RASSF8: variants seen among roughly 807,000 people sequenced by gnomAD.
RASSF8 encodes Ras association domain family member 8.
Under a neutral mutation model 48.5 loss-of-function variants are expected in RASSF8, and 22 were observed. The observed-to-expected ratio is 0.45, with a 90% CI of 0.32 to 0.65. RASSF8 has a LOEUF of 0.65. Among genes scored for constraint, RASSF8 ranks in the 30% least tolerant of loss-of-function variants. RASSF8 has a pLI of 0.03. For synonymous variants in RASSF8, 127 were observed against 171.5 expected (o/e 0.74, Z 2.03); for missense variants, 418 against 489.2 (o/e 0.85, Z 1.37).
intron 1 of RASSF8, among the ~76,000 whole-genome samples, chr12:25,977,482 A>AT (rs141400700): frequency 0.015 from 2,182 of 149,750 alleles, 42 homozygotes; most frequent in African/African-American, 0.043. Context: ...GATTATTTTG[A>AT]TTTTTTTTTT....
chr12:26,039,658 G>A (rs1206691567), intron 2 of RASSF8, among the ~76,000 whole-genome samples: 2 of 152,282 alleles, frequency 1.3e-5, no homozygotes, highest in South Asian at 2.1e-4. Flanking sequence ...AACAGTACCA[G>A]TAGTTGGTGA....
At chr12:25,973,142 T>A (rs183091989) in intron 1 of RASSF8, among the ~76,000 whole-genome samples, 6 of 152,124 alleles carry the variant, frequency 3.9e-5, no homozygotes, top group African/African-American at 1.2e-4. Flanking sequence ...TGGGTTCAAG[T>A]GATCCTCCCT....
intron 2 of RASSF8, among the ~76,000 whole-genome samples, chr12:25,997,005 A>G (rs1399295152): frequency 6.6e-6 from 1 of 152,124 alleles, no homozygotes; most frequent in Non-Finnish European, 1.5e-5. Flanking sequence ...TTGCAATCAG[A>G]ATAGCTTTCT....
intron 2 of RASSF8, among the ~76,000 whole-genome samples, chr12:26,012,865 G>T (rs553448125): frequency 6.6e-6 from 1 of 151,706 alleles, no homozygotes; most frequent in South Asian, 2.1e-4. Context: ...TTGTAAAGAC[G>T]GAGTCTCACT....
intron 2 of RASSF8, among the ~76,000 whole-genome samples, chr12:26,036,624 C>A (rs1165186841): frequency 6.6e-6 from 1 of 151,928 alleles, no homozygotes; most frequent in Non-Finnish European, 1.5e-5. Context: ...AAGTGTATGT[C>A]TGGTCGAGCG....
intron 2 of RASSF8, among the ~76,000 whole-genome samples, chr12:26,015,711 C>T (rs16929901): frequency 0.04 from 6,042 of 152,122 alleles, 147 homozygotes; most frequent in African/African-American, 0.065. Flanking sequence ...CTAAAGTTAG[C>T]GGACCTATTG....
downstream of RASSF8, among the ~76,000 whole-genome samples, chr12:26,073,750 C>G (rs547422329): frequency 8.3e-5 from 5 of 60,326 alleles, no homozygotes; most frequent in Non-Finnish European, 1.3e-4. Flanking sequence ...TCTCTCTATA[C>G]ACACACACAC....
intron 3 of RASSF8, among the ~76,000 whole-genome samples, chr12:26,056,043 G>C (rs1026075940): frequency 4.6e-5 from 7 of 152,020 alleles, no homozygotes; most frequent in Admixed American, 3.3e-4. Flanking sequence ...AAATTAGCCG[G>C]GCGTGGTGGT....
chr12:26,070,664 T>C lies in RASSF8; in HGVS notation c.*1846T>C. Reference sequence around the variant, plus strand: ...GATTTTGTGACAGTAATGATTTACATATGCCCAATATATGCCTTATTTTTA... The same window carrying C: ...GATTTTGTGACAGTAATGATTTACACATGCCCAATATATGCCTTATTTTTA... On this transcript the variant is annotated 3_prime_UTR_variant, in exon 6 of 6. Transcript: ENST00000689635. 14 of 945,786 alleles carry C rather than the reference T, an allele frequency of 1.5e-5. No homozygotes were observed. The highest frequency in any genetic ancestry group is 1.6e-5 in the Non-Finnish European group (13 of 794,086). The allele number at this position is 945,786 out of a possible 1,614,324, so 58.6% of individuals were successfully genotyped here. A position where few individuals can be genotyped will look rare whatever the true frequency, so the allele number is the denominator to read the frequency against.
At chr12:25,990,857 A>G (rs907103495) in intron 1 of RASSF8, among the ~76,000 whole-genome samples, 1 of 152,216 alleles carries the variant, frequency 6.6e-6, no homozygotes, top group Non-Finnish European at 1.5e-5. Flanking sequence ...TTGAATATTT[A>G]CAATTTCAAA....
chr12:26,033,907 A>C (rs951802664), intron 2 of RASSF8, among the ~76,000 whole-genome samples: 1 of 152,002 alleles, frequency 6.6e-6, no homozygotes. Context: ...TAAAATGGGG[A>C]TGAGAATAAA....
intron 1 of RASSF8, among the ~76,000 whole-genome samples, chr12:25,979,924 G>A (rs1296999055): frequency 6.6e-6 from 1 of 152,194 alleles, no homozygotes. Context: ...GGTAGGGAAG[G>A]CAGCTGCCAG....
At chr12:26,022,948 T>C (rs937204806) in intron 2 of RASSF8, among the ~76,000 whole-genome samples, 7 of 152,122 alleles carry the variant, frequency 4.6e-5, no homozygotes, top group African/African-American at 1.4e-4. Flanking sequence ...GGTTTTTCCA[T>C]GTTGGTCAGG....
intron 2 of RASSF8, among the ~76,000 whole-genome samples, chr12:26,043,809 A>G (rs2137172649): frequency 6.6e-6 from 1 of 152,352 alleles, no homozygotes; most frequent in Non-Finnish European, 1.5e-5. Context: ...ATGTAACGCC[A>G]AAGAAACCAG....
At chr12:26,073,356 G>C (rs1944035327), downstream of RASSF8, among the ~76,000 whole-genome samples, 1 of 152,110 alleles carries the variant, frequency 6.6e-6, no homozygotes, top group Non-Finnish European at 1.5e-5. Context: ...CCCAGTTTCT[G>C]CATTTTAACC....
Position 26,065,348 on chromosome 12 carries a change from T to C in RASSF8, c.954T>C (p.Ala318=). ...QSLRLENGIK[A]VERSLGQATK... is the part of the protein sequence containing the mutation. ...TGAGGTTGGAAAATGGCATCAAAGC[T>C]GTGGAAAGATCTCTTGGACAAGCCA... Residue 318 remains alanine (A), a synonymous_variant, in exon 4 of 6, where the codon GCT becomes GCC. Coordinates refer to ENST00000689635, the MANE Select transcript of RASSF8 (RefSeq NM_001394098.1). The C allele has an allele frequency of 6.2e-7, 1 of 1,613,894 alleles. No homozygotes were observed. The highest frequency in any genetic ancestry group is 8.5e-7 in the Non-Finnish European group (1 of 1,179,886).
intron 2 of RASSF8, among the ~76,000 whole-genome samples, chr12:26,049,489 C>T (rs1390326): frequency 0.039 from 5,872 of 152,224 alleles, 535 homozygotes; most frequent in East Asian, 0.27. Flanking sequence ...AAATAAGTGC[C>T]ATCCTTCAGT....
intron 1 of RASSF8, among the ~76,000 whole-genome samples, chr12:25,972,771 A>G (rs1489067033): frequency 6.6e-6 from 1 of 152,266 alleles, no homozygotes. Flanking sequence ...GTACATGTAT[A>G]TGCACATGCA....
At chr12:25,973,223 G>A (rs1006872020) in intron 1 of RASSF8, among the ~76,000 whole-genome samples, 65 of 150,634 alleles carry the variant, frequency 4.3e-4, no homozygotes, top group Non-Finnish European at 7.8e-4. Flanking sequence ...TTTTTTAGAA[G>A]CAAAGGCTAG....
Sources: gnomAD v4.1 joint callset for allele counts (sites outside exome capture counted in the v4.1 genomes callset) on GRCh38, gnomAD v4.1.1 for gene constraint, MANE v1.5 for transcripts, NCBI Gene and HGNC (gene_info 2026-07-23, HGNC 2026-07-21) for gene names.